Variants in KCNQ1 observed in about 807,000 individuals in gnomAD.
KCNQ1 encodes the protein potassium voltage-gated channel subfamily KQT member 1.
Under a neutral mutation model 72.4 loss-of-function variants are expected in KCNQ1, and 49 were observed. The ratio of observed to expected loss-of-function variants is 0.68; its 90% CI spans 0.54 to 0.86. The LOEUF is 0.86. Ranked by LOEUF, KCNQ1 falls within the 40% of genes least tolerant of loss-of-function variation. KCNQ1 has a pLI of 0.00. For missense variants in KCNQ1, 790 were observed against 945.1 expected (o/e 0.84, Z 2.15); for synonymous variants, 450 against 412.6 (o/e 1.09, Z -1.10).
chr11:2,751,831 G>C lies in KCNQ1; in HGVS notation c.1515-17013G>C, dbSNP rs115836264. ...CAGAGTGCCTCTCCCACTGGCTCAG[G>C]GTGAGGGCAAAATGGCACTTGCAGA... On this transcript the variant is annotated intron_variant, in intron 11 of 15. Coordinates refer to ENST00000155840, the MANE Select transcript of KCNQ1 (RefSeq NM_000218.3). Among the ~76,000 whole-genome samples the C allele has an allele frequency of 8.8e-3, 1,339 of 152,368 alleles. 22 individuals carry two copies. The highest frequency in any genetic ancestry group is 0.031 in the African/African-American group (1,279 of 41,580).
At position 2,691,014 on chromosome 11, in the gene KCNQ1, G is replaced by A. The variant is rs755273366; in HGVS notation, c.1514+28933G>A. 1.5e-4 allele frequency: 58 copies of A among 398,572 alleles called. No individual in the cohort carries two copies. Among genetic ancestry groups the A allele is most frequent in the Non-Finnish European group, 2.6e-4 (58 of 226,086 alleles). 24.7% of individuals were successfully genotyped at this position (398,572 alleles called of 1,614,324 possible). A position where few individuals can be genotyped will look rare whatever the true frequency, so the allele number is the denominator to read the frequency against. ...TCAATGAAGTGGGCAAAAGCTCTGG[G>A]TGAACTCTTGGCTCAGGTATCAGGA... On this transcript the variant is annotated intron_variant, in intron 11 of 15. Transcript: ENST00000155840. This position sits in a 1 kb window ranked among gnomAD's most constrained non-coding sequence, Gnocchi z 6.4.
At position 2,612,913 on chromosome 11, in the gene KCNQ1, C is replaced by A; in HGVS notation, c.1393+24059C>A. On this transcript the variant is annotated intron_variant, in intron 10 of 15. Coordinates refer to ENST00000155840, the MANE Select transcript of KCNQ1 (RefSeq NM_000218.3). This position sits in a 1 kb window ranked among gnomAD's most constrained non-coding sequence, Gnocchi z 5.5. Reference sequence around the variant, plus strand: ...TCTGTTACTCATTTATTTGTTTGCTCGCTTGTGTATGCCTTCTCTGCATGG... The same window carrying A: ...TCTGTTACTCATTTATTTGTTTGCTAGCTTGTGTATGCCTTCTCTGCATGG... 1 of 398,560 alleles carries A rather than the reference C, an allele frequency of 2.5e-6. No homozygotes were observed. Among genetic ancestry groups the A allele is most frequent in the South Asian group, 1.3e-4 (1 of 7,838 alleles). The allele number at this position is 398,560 out of a possible 1,614,324, so 24.7% of individuals were successfully genotyped here.
chr11:2,551,417 G>A (rs937159822), intron 2 of KCNQ1, among the ~76,000 whole-genome samples: 4 of 152,134 alleles, frequency 2.6e-5, no homozygotes, highest in Admixed American at 6.5e-5. Context: ...AGGCCCATCC[G>A]TGTCATGGTC....
chr11:2,705,982 C>T (rs1178759270), intron 11 of KCNQ1, among the ~76,000 whole-genome samples: 1 of 152,102 alleles, frequency 6.6e-6, no homozygotes, highest in Non-Finnish European at 1.5e-5. Flanking sequence ...CTTAGAGAAC[C>T]TGAAGAGAAT....
In KCNQ1 at chr11:2,493,584, C is replaced by T. The variant is rs528946155; in HGVS notation, c.387-34344C>T. On this transcript the variant is annotated intron_variant, in intron 1 of 15. Transcript: ENST00000155840. This position sits in a 1 kb window ranked among gnomAD's most constrained non-coding sequence, Gnocchi z 5.3. ...TCTGCATATGACTAGCCAGTTTTCC[C>T]AGCACCATTTATTAAATAGAGAATC... is the stretch of plus-strand genomic sequence containing the variant. Among the ~76,000 whole-genome samples, 1 of 152,294 alleles carries T rather than the reference C, an allele frequency of 6.6e-6. No individual in the cohort carries two copies. Among genetic ancestry groups the T allele is most frequent in the East Asian group, 1.9e-4 (1 of 5,184 alleles).
In KCNQ1 at chr11:2,769,617, G is replaced by T. The variant is rs750932273; in HGVS notation, c.1590+698G>T. Among the ~76,000 whole-genome samples, 3 of 152,236 alleles carry T rather than the reference G, an allele frequency of 2.0e-5. No individual in the cohort carries two copies. The highest frequency in any genetic ancestry group is 4.4e-5 in the Non-Finnish European group (3 of 68,042). On this transcript the variant is annotated intron_variant, in intron 12 of 15. Coordinates refer to ENST00000155840, the MANE Select transcript of KCNQ1 (RefSeq NM_000218.3). The surrounding 1 kb of genome is among the most constrained non-coding windows in gnomAD (Gnocchi z 4.6). ...TGGGGACATTCCTCGGATGAAGGCG[G>T]TGGTGGGGGGTACTGAGTCCTGGCT...
intron 10 of KCNQ1, among the ~76,000 whole-genome samples, chr11:2,605,877 C>T (rs1019184009): frequency 2.9e-4 from 44 of 152,154 alleles, no homozygotes; most frequent in Non-Finnish European, 5.3e-4. Flanking sequence ...GGGAGTGTTG[C>T]CATCTTAACA....
rs1433033737 is a variant in KCNQ1, at chr11:2,828,596, C to A, written c.1795-19171C>A. ...CCCTGACAGGCAGGTCTCACCCCAGCCCATGAAGCCAGATGCTACTGATTC... is the reference window on the plus strand; with the variant it reads ...CCCTGACAGGCAGGTCTCACCCCAGACCATGAAGCCAGATGCTACTGATTC... On this transcript the variant is annotated intron_variant, in intron 15 of 15. Transcript: ENST00000155840. This position sits in a 1 kb window ranked among gnomAD's most constrained non-coding sequence, Gnocchi z 5.3. Among the ~76,000 whole-genome samples the A allele has an allele frequency of 1.3e-5, 2 of 152,080 alleles. No homozygotes were observed. The highest frequency in any genetic ancestry group is 4.8e-5 in the African/African-American group (2 of 41,394).
At chr11:2,639,524 G>C (rs540200769) in intron 10 of KCNQ1, 1 of 152,736 alleles carries the variant, frequency 6.5e-6, no homozygotes, top group African/African-American at 2.4e-5. Flanking sequence ...CTGCAGAACA[G>C]CGAATACTGC....
chr11:2,807,425 G>A (rs1564900671), intron 15 of KCNQ1, among the ~76,000 whole-genome samples: 1 of 152,210 alleles, frequency 6.6e-6, no homozygotes, highest in South Asian at 2.1e-4. Context: ...TGCCGCCCGC[G>A]GTCGCTGCAC....
Position 2,815,064 on chromosome 11 carries a change from G to T in KCNQ1, c.1795-32703G>T, listed in dbSNP as rs1847586974. On this transcript the variant is annotated intron_variant, in intron 15 of 15. Transcript: ENST00000155840. This position sits in a 1 kb window ranked among gnomAD's most constrained non-coding sequence, Gnocchi z 5.4. ...GAGTTGTCCTAGCAACCATCATCCA[G>T]GCACCTGCTGCGTGCTGAGCACCAT... 6.6e-6 allele frequency among the ~76,000 whole-genome samples: 1 copy of T among 152,240 alleles called. No individual in the cohort carries two copies. The highest frequency in any genetic ancestry group is 1.5e-5 in the Non-Finnish European group (1 of 68,044).
In KCNQ1 at chr11:2,673,977, T is replaced by C. The variant is rs1850237921; in HGVS notation, c.1514+11896T>C. ...AGCAGCCACAAGGGGATGCCCAGCA[T>C]TGGGGGTGGGGTGGGGGGAGGGCCC... On this transcript the variant is annotated intron_variant, in intron 11 of 15. Coordinates refer to ENST00000155840, the MANE Select transcript of KCNQ1 (RefSeq NM_000218.3). This position sits in a 1 kb window ranked among gnomAD's most constrained non-coding sequence, Gnocchi z 4.5. 1 of 129,518 alleles carries C rather than the reference T, an allele frequency of 7.7e-6. No homozygotes were observed. Among genetic ancestry groups the C allele is most frequent in the Admixed American group, 8.6e-5 (1 of 11,574 alleles). 8.0% of individuals were successfully genotyped at this position (129,518 alleles called of 1,614,324 possible). A position where few individuals can be genotyped will look rare whatever the true frequency, so the allele number is the denominator to read the frequency against.
In KCNQ1 at chr11:2,538,575, G is replaced by A. The variant is rs1847773187; in HGVS notation, c.477+10557G>A. Among the ~76,000 whole-genome samples the A allele has an allele frequency of 6.6e-6, 1 of 152,160 alleles. No individual in the cohort carries two copies. The highest frequency in any genetic ancestry group is 1.5e-5 in the Non-Finnish European group (1 of 68,036). ...TTCTTTCATGCGAAATCTGCTTGCG[G>A]GAGAGTCGTGAAAGTGGGAATCCTG... On this transcript the variant is annotated intron_variant, in intron 2 of 15. Coordinates refer to ENST00000155840, the MANE Select transcript of KCNQ1 (RefSeq NM_000218.3). This position sits in a 1 kb window ranked among gnomAD's most constrained non-coding sequence, Gnocchi z 6.7.
At position 2,450,576 on chromosome 11, in the gene KCNQ1, C is replaced by T. The variant is rs1589887059; in HGVS notation, c.386+5092C>T. 6.6e-6 allele frequency among the ~76,000 whole-genome samples: 1 copy of T among 152,052 alleles called. No homozygotes were observed. Among genetic ancestry groups the T allele is most frequent in the Non-Finnish European group, 1.5e-5 (1 of 68,004 alleles). The stretch of plus-strand genomic sequence containing the variant: ...CTGTGGGTCACTCCAGCCCCGGATG[C>T]TCCTACACCATGCTCTGCTTGCATC... On this transcript the variant is annotated intron_variant, in intron 1 of 15. Coordinates refer to ENST00000155840, the MANE Select transcript of KCNQ1 (RefSeq NM_000218.3). The surrounding 1 kb of genome is among the most constrained non-coding windows in gnomAD (Gnocchi z 7.9).
intron 1 of KCNQ1, among the ~76,000 whole-genome samples, chr11:2,454,953 C>T (rs1846166159): frequency 6.6e-6 from 1 of 151,998 alleles, no homozygotes; most frequent in African/African-American, 2.4e-5. Context: ...AAAGGGGATC[C>T]AAATAGGAAA....
chr11:2,445,177 A>G lies in KCNQ1; in HGVS notation c.79A>G (p.Ser27Gly). ...WGRLPGARRG[S>G]AGLAKKCPFS... ...CCGCCTGCCAGGCGCCCGGCGGGGC[A>G]GCGCGGGCCTGGCCAAGAAGTGCCC... The change falls in exon 1 of 16, where the codon AGC becomes GGC. Residue 27 changes from serine to glycine, a missense_variant. Coordinates refer to ENST00000155840, the MANE Select transcript of KCNQ1 (RefSeq NM_000218.3). 1 of 1,133,542 alleles carries G rather than the reference A, an allele frequency of 8.8e-7. No individual in the cohort carries two copies. Among genetic ancestry groups the G allele is most frequent in the Non-Finnish European group, 1.1e-6 (1 of 922,184 alleles). The allele number at this position is 1,133,542 out of a possible 1,614,324, so 70.2% of individuals were successfully genotyped here.
At chr11:2,530,202 G>T (rs1027173738) in intron 2 of KCNQ1, among the ~76,000 whole-genome samples, 2 of 152,176 alleles carry the variant, frequency 1.3e-5, no homozygotes, top group African/African-American at 4.8e-5. Context: ...GGGTCCCCAA[G>T]GTACCTGCCC....
At position 2,572,980 on chromosome 11, in the gene KCNQ1, G is replaced by A. The variant is rs1488745091; in HGVS notation, c.915G>A (p.Trp305Ter). The A allele has an allele frequency of 6.2e-7, 1 of 1,613,120 alleles. No individual in the cohort carries two copies. Among genetic ancestry groups the A allele is most frequent in the East Asian group, 2.2e-5 (1 of 44,876 alleles). The change falls in exon 6 of 16, where the codon TGG becomes TGA. Residue 305 changes from tryptophan (W) to a stop codon, truncating the protein, a stop_gained. Transcript: ENST00000155840. LOFTEE classifies it high-confidence loss of function. ...GCAGCTACGCAGATGCGCTGTGGTG[G>A]GGGGTGGTAAGTCGGAAACTTCCAG... ...EFGSYADALW[W>*]GVVTVTTIGY...
chr11:2,643,694 T>A, intron 10 of KCNQ1: 1 of 398,568 alleles, frequency 2.5e-6, no homozygotes. Flanking sequence ...ATTAATTGAT[T>A]TCTGATTATT....
Sources: allele counts gnomAD v4.1 joint callset (sites outside exome capture counted in the v4.1 genomes callset), GRCh38; gene constraint gnomAD v4.1.1; non-coding constraint Gnocchi (gnomAD v3.1); transcripts MANE v1.5; gene names NCBI Gene and HGNC (gene_info 2026-07-23, HGNC 2026-07-21).